The following TBCEL variants were observed in gnomAD, a reference collection of about 807,000 sequenced individuals.
TBCEL encodes tubulin folding cofactor E like, also known as tubulin-specific chaperone cofactor E-like protein.
Under a neutral mutation model 44.2 loss-of-function variants are expected in TBCEL, and 15 were observed. The ratio of observed to expected loss-of-function variants is 0.34; its 90% CI spans 0.23 to 0.52. TBCEL has a LOEUF of 0.52. Ranked by LOEUF, TBCEL falls within the 20% of genes least tolerant of loss-of-function variation. The pLI is 0.95. For synonymous variants in TBCEL, 171 were observed against 185.4 expected, an observed-to-expected ratio of 0.92 and a Z score of 0.63; for missense variants, 319 against 506.3, an observed-to-expected ratio of 0.63 and a Z score of 3.55.
chr11:121,066,485 G>A (rs931554433), intron 8 of TBCEL, among the ~76,000 whole-genome samples: 2 of 152,194 alleles, frequency 1.3e-5, no homozygotes, highest in Non-Finnish European at 2.9e-5. Context: ...ATGCTGGACA[G>A]CCAAAGTTGG....
intron 2 of TBCEL, among the ~76,000 whole-genome samples, chr11:121,039,559 A>G (rs1945294730): frequency 6.6e-6 from 1 of 152,240 alleles, no homozygotes; most frequent in Non-Finnish European, 1.5e-5. Flanking sequence ...CTATGAAGGC[A>G]CATATTTTAA....
chr11:121,084,046 A>T (rs997049288), intron 8 of TBCEL, among the ~76,000 whole-genome samples: 1 of 152,234 alleles, frequency 6.6e-6, no homozygotes, highest in Non-Finnish European at 1.5e-5. Flanking sequence ...AACTCACTTT[A>T]CCAGGATAAC....
chr11:121,045,502 T>G (rs569070744), intron 2 of TBCEL, among the ~76,000 whole-genome samples, 172 bp from the exon 3 acceptor site: 43 of 152,254 alleles, frequency 2.8e-4, no homozygotes, highest in Admixed American at 9.8e-4. Flanking sequence ...ATATGTAGCT[T>G]CCCTAAATTG....
rs1241229634 is a variant in TBCEL, at chr11:121,024,306, G to C, written c.-126+15G>C. On this transcript the variant is annotated intron_variant, in intron 1 of 8. Coordinates refer to ENST00000683345, the MANE Select transcript of TBCEL (RefSeq NM_001363644.2). ...CGGGCTGAGGGGTGAGTGGAGCCGG[G>C]CCCGCTGGCTCTGCCGGGCTCTCGA... is the stretch of plus-strand genomic sequence containing the variant. 1 of 152,448 alleles carries C rather than the reference G, an allele frequency of 6.6e-6. No homozygotes were observed. Among genetic ancestry groups the C allele is most frequent in the Non-Finnish European group, 1.5e-5 (1 of 68,196 alleles). 9.4% of individuals were successfully genotyped at this position (152,448 alleles called of 1,614,324 possible). A position where few individuals can be genotyped will look rare whatever the true frequency, so the allele number is the denominator to read the frequency against.
intron 1 of TBCEL, among the ~76,000 whole-genome samples, chr11:121,030,875 T>G (rs1204038461): frequency 1.9e-5 from 2 of 105,434 alleles, no homozygotes; most frequent in East Asian, 3.9e-4. Flanking sequence ...TCTTGTGATT[T>G]TTTTTTTTTT....
At chr11:121,072,431 A>G (rs557908300) in intron 8 of TBCEL, among the ~76,000 whole-genome samples, 25 of 152,294 alleles carry the variant, frequency 1.6e-4, no homozygotes, top group African/African-American at 5.8e-4. Context: ...GATAGTTAAT[A>G]TTTTATTCTA....
At chr11:121,069,135 A>T (rs1945877413) in intron 8 of TBCEL, among the ~76,000 whole-genome samples, 2 of 152,118 alleles carry the variant, frequency 1.3e-5, no homozygotes, top group South Asian at 4.1e-4. Flanking sequence ...CTTGTCACTT[A>T]TCAACACCTG....
In TBCEL at chr11:121,033,877, C is replaced by T. The variant is rs112439002; in HGVS notation, c.-125-2628C>T. Among the ~76,000 whole-genome samples, 229 of 151,638 alleles carry T rather than the reference C, an allele frequency of 1.5e-3. 1 individual carries two copies. The highest frequency in any genetic ancestry group is 4.9e-3 in the African/African-American group (199 of 40,990). On this transcript the variant is annotated intron_variant, in intron 1 of 8. Transcript: ENST00000683345. ...GTCAATGAACTTACCACTCTAGTTA[C>T]CCCATGTAAGTGGAATCATACACGA... is the stretch of plus-strand genomic sequence containing the variant.
At chr11:121,040,966 A>C (rs1407891734) in intron 2 of TBCEL, among the ~76,000 whole-genome samples, 1 of 152,158 alleles carries the variant, frequency 6.6e-6, no homozygotes, top group Non-Finnish European at 1.5e-5. Flanking sequence ...AGATAAATCT[A>C]TTTTTATAAG....
At chr11:121,081,377 C>A (rs923692173) in intron 8 of TBCEL, among the ~76,000 whole-genome samples, 1 of 152,242 alleles carries the variant, frequency 6.6e-6, no homozygotes, top group South Asian at 2.1e-4. Flanking sequence ...ACATCCTTAT[C>A]GGTAATATTT....
At chr11:121,086,705 C>A in intron 8 of TBCEL, 73 bp from the exon 9 acceptor site, 1 of 1,093,632 alleles carries the variant, frequency 9.1e-7, no homozygotes, top group Non-Finnish European at 1.3e-6. Flanking sequence ...TATTGTTTAT[C>A]TGTAGTTGGG....
intron 8 of TBCEL, among the ~76,000 whole-genome samples, chr11:121,071,437 G>T (rs1480620781): frequency 6.6e-6 from 1 of 152,150 alleles, no homozygotes; most frequent in Admixed American, 6.5e-5. Context: ...TTATCATAAG[G>T]AGGAGTCTTA....
chr11:121,079,077 T>G (rs1346130310), intron 8 of TBCEL, among the ~76,000 whole-genome samples: 1 of 152,220 alleles, frequency 6.6e-6, no homozygotes, highest in African/African-American at 2.4e-5. Flanking sequence ...TTCCATGACT[T>G]AAGCTCTGTT....
At chr11:121,028,931 A>G (rs1945094071) in intron 1 of TBCEL, among the ~76,000 whole-genome samples, 2 of 152,238 alleles carry the variant, frequency 1.3e-5, no homozygotes, top group African/African-American at 4.8e-5. Context: ...ATGGAAGAAT[A>G]AAGTGCAAAC....
intron 4 of TBCEL, 195 bp downstream of exon 4, chr11:121,047,862 G>A: frequency 1.9e-6 from 1 of 513,256 alleles, no homozygotes; most frequent in Non-Finnish European, 3.1e-6. Flanking sequence ...TAAGGAGGCT[G>A]AGGCAGGAGG....
chr11:121,084,372 T>C (rs1374447200), intron 8 of TBCEL, among the ~76,000 whole-genome samples: 1 of 152,238 alleles, frequency 6.6e-6, no homozygotes, highest in African/African-American at 2.4e-5. Context: ...CTGGTTTTTA[T>C]ATTCAAGTAC....
At chr11:121,054,972 T>C (rs1945594463) in intron 5 of TBCEL, 80 bp from the exon 6 acceptor site, 2 of 1,370,602 alleles carry the variant, frequency 1.5e-6, no homozygotes, top group Non-Finnish European at 1.9e-6. Flanking sequence ...CACTTACTTA[T>C]TTATTGAATG....
intron 4 of TBCEL, among the ~76,000 whole-genome samples, chr11:121,050,317 T>C (rs1039076748): frequency 2.6e-5 from 4 of 151,790 alleles, no homozygotes; most frequent in African/African-American, 7.2e-5. Context: ...CCAGTATTGA[T>C]AGGGCAATGT....
At chr11:121,038,548 G>C (rs1186767384) in intron 2 of TBCEL, among the ~76,000 whole-genome samples, 1 of 151,726 alleles carries the variant, frequency 6.6e-6, no homozygotes, top group Non-Finnish European at 1.5e-5. Context: ...GATGAGGTTA[G>C]AAGAAGAGTT....
Sources: allele counts gnomAD v4.1 joint callset (sites outside exome capture counted in the v4.1 genomes callset), GRCh38; gene constraint gnomAD v4.1.1; transcripts MANE v1.5; gene names NCBI Gene and HGNC (gene_info 2026-07-23, HGNC 2026-07-21).